C10orf88: variants seen among roughly 807,000 people sequenced by gnomAD.
C10orf88 encodes ATPase PAAT.
C10orf88 carries 29 observed loss-of-function variants against 34.2 expected under a neutral mutation model. That is an observed-to-expected ratio of 0.85 (90% CI 0.63 to 1.16). C10orf88 has a LOEUF of 1.16. Among genes scored for constraint, C10orf88 ranks in the 50% most tolerant of loss-of-function variants. The pLI is 0.00. For missense variants in C10orf88, 507 were observed against 533.2 expected (o/e 0.95, Z 0.48); for synonymous variants, 194 against 197.4 (o/e 0.98, Z 0.15).
intron 4 of C10orf88, among the ~76,000 whole-genome samples, chr10:122,940,315 G>T (rs1236731865): frequency 6.6e-6 from 1 of 151,918 alleles, no homozygotes; most frequent in East Asian, 1.9e-4. Context: ...AGGCACAGAA[G>T]AATAAATAAT....
intron 1 of C10orf88, 39 bp downstream of exon 1, chr10:122,953,976 G>T (rs1433454793): frequency 6.8e-7 from 1 of 1,479,832 alleles, no homozygotes; most frequent in Non-Finnish European, 8.9e-7. Context: ...CGCGGCAGTT[G>T]CCGAGCATAG....
chr10:122,937,043 TA>T (rs1848539872), intron 5 of C10orf88, among the ~76,000 whole-genome samples: 1 of 151,986 alleles, frequency 6.6e-6, no homozygotes, highest in African/African-American at 2.4e-5. Context: ...CATTTTCAAA[TA>T]AAATCTCTTA....
At chr10:122,934,891 T>A (rs1055998350) in intron 5 of C10orf88, among the ~76,000 whole-genome samples, 2 of 152,148 alleles carry the variant, frequency 1.3e-5, no homozygotes, top group African/African-American at 4.8e-5. Context: ...AATATGCATT[T>A]CCCTAATAGT....
In C10orf88 at chr10:122,954,145, G is replaced by A. The variant is rs1166433328; in HGVS notation, c.34C>T (p.Arg12Cys). 6 of 1,583,364 alleles carry A rather than the reference G, an allele frequency of 3.8e-6. No individual in the cohort carries two copies. The highest frequency in any genetic ancestry group is 1.4e-5 in the African/African-American group (1 of 73,144). ...ETRTEDGGLTRRPTLASSWDV... is the reference protein window; with the variant it reads ...ETRTEDGGLTCRPTLASSWDV... ...CAAGAAGAGGCCAGCGTGGGGCGGCGGGTGAGGCCCCCGTCCTCGGTCCGC... is the reference window on the plus strand; with the variant it reads ...CAAGAAGAGGCCAGCGTGGGGCGGCAGGTGAGGCCCCCGTCCTCGGTCCGC... Residue 12 changes from arginine to cysteine, a missense_variant, in exon 1 of 6, where the codon CGC (arginine) becomes TGC (cysteine). Physicochemically the swap from Arg to Cys is radical, Grantham distance 180. Transcript: ENST00000481909.
chr10:122,949,865 A>C (rs1354573792), intron 3 of C10orf88, among the ~76,000 whole-genome samples: 1 of 152,206 alleles, frequency 6.6e-6, no homozygotes, highest in Non-Finnish European at 1.5e-5. Context: ...TCAGAACTAT[A>C]AGAGAATATC....
intron 2 of C10orf88, 130 bp downstream of exon 2, chr10:122,952,699 A>C (rs1848701898): frequency 1.8e-6 from 2 of 1,088,462 alleles, no homozygotes; most frequent in Non-Finnish European, 2.7e-6. Context: ...TTCTATGCCT[A>C]CTGGCACATT....
chr10:122,950,487 C>T (rs1209038394), intron 3 of C10orf88, among the ~76,000 whole-genome samples: 2 of 152,202 alleles, frequency 1.3e-5, no homozygotes, highest in Non-Finnish European at 2.9e-5. Flanking sequence ...TCAATACAGA[C>T]TCATGATCCA....
chr10:122,935,918 A>G (rs1848530799), intron 5 of C10orf88, among the ~76,000 whole-genome samples: 1 of 151,334 alleles, frequency 6.6e-6, no homozygotes, highest in South Asian at 2.1e-4. Flanking sequence ...ATTTACATGC[A>G]TTTTTGTGTA....
chr10:122,932,152 TCAAG>T lies in C10orf88; in HGVS notation c.*271_*274del. 3.4e-6 allele frequency: 1 copy of T among 293,168 alleles called. No homozygotes were observed. The highest frequency in any genetic ancestry group is 6.3e-6 in the Non-Finnish European group (1 of 157,810). The allele number at this position is 293,168 out of a possible 1,614,324, so 18.2% of individuals were successfully genotyped here. A position where few individuals can be genotyped will look rare whatever the true frequency, so the allele number is the denominator to read the frequency against. The stretch of plus-strand genomic sequence containing the variant: ...AACTAATGAACTGTATTAGAAATCC[TCAAG>T]CATTTTAAACTCTTAACACAAATAT... On this transcript the variant is annotated 3_prime_UTR_variant, in exon 6 of 6. Coordinates refer to ENST00000481909, the MANE Select transcript of C10orf88 (RefSeq NM_024942.4).
chr10:122,954,011 G>A lies in C10orf88; in HGVS notation c.164+4C>T, dbSNP rs1258958121. The A allele has an allele frequency of 3.3e-6, 5 of 1,515,324 alleles. No individual in the cohort carries two copies. The highest frequency in any genetic ancestry group is 2.1e-5 in the Admixed American group (1 of 47,552). The allele number at this position is 1,515,324 out of a possible 1,614,324, so 93.9% of individuals were successfully genotyped here. A position where few individuals can be genotyped will look rare whatever the true frequency, so the allele number is the denominator to read the frequency against. On this transcript the variant is annotated splice_donor_region_variant and intron_variant, in intron 1 of 5. Transcript: ENST00000481909. Reference sequence around the variant, plus strand: ...GCGACCCCGTCCCCGTCGGCCCGGCGCACCCTGGAGCAGGCGGTGCCAGCA... The same window carrying A: ...GCGACCCCGTCCCCGTCGGCCCGGCACACCCTGGAGCAGGCGGTGCCAGCA...
chr10:122,940,971 AT>A (rs1848575775), intron 4 of C10orf88, among the ~76,000 whole-genome samples: 3 of 152,166 alleles, frequency 2.0e-5, no homozygotes, highest in Admixed American at 2.0e-4. Context: ...CACAATAGAG[AT>A]TTCTGAAAAA....
intron 5 of C10orf88, 55 bp downstream of exon 5, chr10:122,937,650 A>G: frequency 1.4e-6 from 2 of 1,426,130 alleles, no homozygotes; most frequent in Non-Finnish European, 1.9e-6. Flanking sequence ...GTTTCCTTTC[A>G]TCTGATTCTT....
At chr10:122,940,052 A>C (rs1848569195) in intron 4 of C10orf88, among the ~76,000 whole-genome samples, 1 of 152,034 alleles carries the variant, frequency 6.6e-6, no homozygotes, top group Non-Finnish European at 1.5e-5. Flanking sequence ...TTCTGGGCAT[A>C]TATCCAAAAT....
At chr10:122,933,239 G>C (rs1001957885) in intron 5 of C10orf88, 1 of 152,548 alleles carries the variant, frequency 6.6e-6, no homozygotes, top group Non-Finnish European at 1.5e-5. Flanking sequence ...CCAGCACTTT[G>C]GGAGGCTGAG....
In C10orf88 at chr10:122,932,645, T is replaced by G; in HGVS notation, c.1120A>C (p.Ile374Leu). The change falls in exon 6 of 6, where the codon ATT (isoleucine) becomes CTT (leucine). Residue 374 changes from isoleucine (I) to leucine (L), a missense_variant. By Grantham distance (5) the Ile-to-Leu change is conservative. Coordinates refer to ENST00000481909, the MANE Select transcript of C10orf88 (RefSeq NM_024942.4). Reference sequence around the variant, plus strand: ...AGAATCTTTTCCAAGTAGGAGCAAATAGATTGCTCTTCCATTCTAAAAATA... The same window carrying G: ...AGAATCTTTTCCAAGTAGGAGCAAAGAGATTGCTCTTCCATTCTAAAAATA... ...ILGVGMEEQSICSYLEKILSK... is the reference protein window; with the variant it reads ...ILGVGMEEQSLCSYLEKILSK... 6.2e-7 allele frequency: 1 copy of G among 1,603,410 alleles called. No individual in the cohort carries two copies. Among genetic ancestry groups the G allele is most frequent in the Non-Finnish European group, 8.5e-7 (1 of 1,172,830 alleles).
At chr10:122,934,828 T>C (rs1041664731) in intron 5 of C10orf88, among the ~76,000 whole-genome samples, 1 of 152,164 alleles carries the variant, frequency 6.6e-6, no homozygotes, top group African/African-American at 2.4e-5. Flanking sequence ...TTTGGTATTG[T>C]TACCATTTTT....
chr10:122,946,239 T>C (rs983042696), intron 4 of C10orf88, among the ~76,000 whole-genome samples: 2 of 152,226 alleles, frequency 1.3e-5, no homozygotes, highest in African/African-American at 4.8e-5. Flanking sequence ...TAGGCCTTCA[T>C]ATTCAGTTAC....
chr10:122,950,121 C>A (rs537938197), intron 3 of C10orf88, among the ~76,000 whole-genome samples: 1 of 152,240 alleles, frequency 6.6e-6, no homozygotes, highest in East Asian at 1.9e-4. Context: ...ATCAGACAAA[C>A]CTAAGTTTAA....
intron 2 of C10orf88, 107 bp downstream of exon 2, chr10:122,952,722 C>A: frequency 1.5e-6 from 2 of 1,357,996 alleles, no homozygotes; most frequent in Non-Finnish European, 2.0e-6. Context: ...TATCTTCTCT[C>A]CCATAACATA....
Sources: allele counts gnomAD v4.1 joint callset (sites outside exome capture counted in the v4.1 genomes callset), GRCh38; gene constraint gnomAD v4.1.1; transcripts MANE v1.5; gene names NCBI Gene and HGNC (gene_info 2026-07-23, HGNC 2026-07-21).